Variants in GALNT16 observed in about 807,000 individuals in gnomAD.
GALNT16 encodes UDP-GalNAc:polypeptide N-acetylgalactosaminyltransferase-like protein 1.
In GALNT16, 40 loss-of-function variants were observed where a neutral mutation model predicts 76.1. That is an observed-to-expected ratio of 0.53 (90% CI 0.41 to 0.68). The LOEUF is 0.68. Among genes scored for constraint, GALNT16 ranks in the 30% least tolerant of loss-of-function variants. The pLI, the probability that GALNT16 is intolerant of heterozygous loss-of-function variation, is 0.00. For missense variants in GALNT16, 621 were observed against 731.9 expected, an observed-to-expected ratio of 0.85 and a Z score of 1.75; for synonymous variants, 276 against 285.2, an observed-to-expected ratio of 0.97 and a Z score of 0.32.
the GALNT16 span, among the ~76,000 whole-genome samples, chr14:69,372,862 A>G: frequency 1.3e-5 from 2 of 152,180 alleles, no homozygotes; most frequent in African/African-American, 4.8e-5. Flanking sequence ...ATCTTTTCCT[A>G]ACACTCTGCA....
chr14:69,380,827 G>C, the GALNT16 span, among the ~76,000 whole-genome samples: 2 of 152,184 alleles, frequency 1.3e-5, no homozygotes, highest in Non-Finnish European at 2.9e-5. Context: ...ATATCACCTA[G>C]TACAATCTTA....
rs746845406 is a variant in GALNT16 at position 69,333,562 on chromosome 14, A to G, written c.929A>G (p.Tyr310Cys). Residue 310 changes from tyrosine (Y) to cysteine (C), a missense_variant, in exon 9 of 15, where the codon TAT becomes TGT. Physicochemically the swap from Tyr to Cys is radical, Grantham distance 194. Transcript: ENST00000448469. The surrounding 1 kb of genome is among the most constrained non-coding windows in gnomAD (Gnocchi z 4.2). ...TCCTGGTTTAACCACTTGGGAAAGT[A>G]TGATGCCCAGATGGACATCTGGGGG... ...DKSWFNHLGKYDAQMDIWGGE... is the reference protein window; with the variant it reads ...DKSWFNHLGKCDAQMDIWGGE... 2.5e-6 allele frequency: 4 copies of G among 1,604,826 alleles called. No individual in the cohort carries two copies. Among genetic ancestry groups the G allele is most frequent in the Non-Finnish European group, 2.6e-6 (3 of 1,174,760 alleles).
At chr14:69,321,233 A>T (rs530164679) in intron 2 of GALNT16, among the ~76,000 whole-genome samples, 11 of 152,302 alleles carry the variant, frequency 7.2e-5, no homozygotes, top group African/African-American at 2.4e-4. Flanking sequence ...CACATTGCAA[A>T]CAGTGGGGTG....
chr14:69,359,898 G>A (rs1249361028), downstream of GALNT16, among the ~76,000 whole-genome samples: 7 of 152,100 alleles, frequency 4.6e-5, no homozygotes, highest in African/African-American at 1.4e-4. Flanking sequence ...GGTGGCACAC[G>A]CCTGTAGTCC....
intron 1 of GALNT16, among the ~76,000 whole-genome samples, chr14:69,317,557 T>C (rs1170280757): frequency 6.6e-6 from 1 of 152,234 alleles, no homozygotes; most frequent in African/African-American, 2.4e-5. Context: ...ATGTACATAG[T>C]AGGTTTTCAC....
At chr14:69,376,421 G>A in the GALNT16 span, among the ~76,000 whole-genome samples, 2 of 152,082 alleles carry the variant, frequency 1.3e-5, no homozygotes, top group African/African-American at 4.8e-5. Context: ...TTTCCTCCAA[G>A]ATAGTAATTC....
At chr14:69,385,775 A>C in the GALNT16 span, among the ~76,000 whole-genome samples, 1 of 152,084 alleles carries the variant, frequency 6.6e-6, no homozygotes. Context: ...TCTGGAAGTC[A>C]CCAAAGACTT....
At chr14:69,334,743 C>T (rs994829589) in intron 9 of GALNT16, among the ~76,000 whole-genome samples, 1 of 152,188 alleles carries the variant, frequency 6.6e-6, no homozygotes. Context: ...ACTCTACCCC[C>T]ACCCCGTCAT....
At chr14:69,276,478 C>G (rs572470670) in intron 1 of GALNT16, among the ~76,000 whole-genome samples, 1 of 152,046 alleles carries the variant, frequency 6.6e-6, no homozygotes, top group Non-Finnish European at 1.5e-5. Flanking sequence ...GTCAGGAGAT[C>G]GAGACCATCC....
intron 1 of GALNT16, among the ~76,000 whole-genome samples, chr14:69,302,372 C>T (rs1412372637): frequency 2.6e-5 from 4 of 152,126 alleles, no homozygotes; most frequent in African/African-American, 9.7e-5. Flanking sequence ...CTGTCTCTCT[C>T]ATTCTCTCTT....
chr14:69,328,040 C>G (rs995770466), intron 5 of GALNT16, among the ~76,000 whole-genome samples: 3 of 152,272 alleles, frequency 2.0e-5, no homozygotes, highest in Non-Finnish European at 2.9e-5. Flanking sequence ...CTATCTTAGT[C>G]TCGAAGATTA....
At chr14:69,355,859 T>A (rs2045689041), downstream of GALNT16, 1 of 152,252 alleles carries the variant, frequency 6.6e-6, no homozygotes. Context: ...TGTCTCCATC[T>A]GCAGTTGGGA....
chr14:69,348,104 C>T (rs2045591113), intron 14 of GALNT16, 102 bp downstream of exon 14: 1 of 1,217,070 alleles, frequency 8.2e-7, no homozygotes, highest in Admixed American at 1.8e-5. Flanking sequence ...TCAAATAAGC[C>T]CTTCAGAGCG....
chr14:69,346,897 C>T (rs932293169), intron 12 of GALNT16, 143 bp from the exon 13 acceptor site: 14 of 898,042 alleles, frequency 1.6e-5, no homozygotes, highest in Middle Eastern at 2.7e-4. Context: ...TCCTCACCTC[C>T]CCCTGCTGGC....
intron 1 of GALNT16, among the ~76,000 whole-genome samples, chr14:69,273,202 C>T (rs2044427728): frequency 6.6e-6 from 1 of 152,052 alleles, no homozygotes; most frequent in South Asian, 2.1e-4. Flanking sequence ...TTTAGAAATC[C>T]CTTCTAAGCT....
At chr14:69,379,476 A>T in the GALNT16 span, among the ~76,000 whole-genome samples, 4 of 152,228 alleles carry the variant, frequency 2.6e-5, no homozygotes, top group Admixed American at 6.5e-5. Context: ...AGGCAGGAAC[A>T]GGGGGATATT....
At chr14:69,303,338 G>A (rs1327958436) in intron 1 of GALNT16, among the ~76,000 whole-genome samples, 1 of 152,168 alleles carries the variant, frequency 6.6e-6, no homozygotes, top group East Asian at 1.9e-4. Context: ...TAGCCCAATA[G>A]CATCTGCTGC....
chr14:69,383,695 A>C, the GALNT16 span, among the ~76,000 whole-genome samples: 3 of 152,208 alleles, frequency 2.0e-5, no homozygotes, highest in Admixed American at 6.5e-5. Context: ...AAAAACCATA[A>C]ATTATCATTA....
At chr14:69,382,684 C>T in the GALNT16 span, among the ~76,000 whole-genome samples, 1 of 148,060 alleles carries the variant, frequency 6.8e-6, no homozygotes, top group African/African-American at 2.5e-5. Flanking sequence ...AAAAAAAATA[C>T]AAAAATTAGC....
Sources: gnomAD v4.1 joint callset for allele counts (sites outside exome capture counted in the v4.1 genomes callset) on GRCh38, gnomAD v4.1.1 for gene constraint, Gnocchi (gnomAD v3.1) non-coding constraint, MANE v1.5 for transcripts, NCBI Gene and HGNC (gene_info 2026-07-23, HGNC 2026-07-21) for gene names.